CRPPA: variants seen among roughly 807,000 people sequenced by gnomAD.
CRPPA encodes the protein D-ribitol-5-phosphate cytidylyltransferase.
A neutral mutation model predicts 52.0 loss-of-function variants in CRPPA; 43 were observed. The observed-to-expected ratio is 0.83, with a 90% CI of 0.65 to 1.07. CRPPA has a LOEUF of 1.07. CRPPA is among the 50% of genes least tolerant of loss of function. The pLI is 0.00. For synonymous variants in CRPPA, 250 were observed against 203.5 expected, an observed-to-expected ratio of 1.23 and a Z score of -1.94; for missense variants, 629 against 551.7, an observed-to-expected ratio of 1.14 and a Z score of -1.40.
intron 4 of CRPPA, among the ~76,000 whole-genome samples, chr7:16,306,152 T>C (rs984535923): frequency 1.3e-5 from 2 of 152,212 alleles, no homozygotes; most frequent in African/African-American, 4.8e-5. Context: ...GGGCCTACCC[T>C]ATTCCAGCAG....
At chr7:16,240,734 G>A (rs78989287) in intron 8 of CRPPA, among the ~76,000 whole-genome samples, 3,564 of 152,196 alleles carry the variant, frequency 0.023, 121 homozygotes, top group African/African-American at 0.08. Flanking sequence ...CTTGTGCCTT[G>A]AAAACACATT....
intron 9 of CRPPA, among the ~76,000 whole-genome samples, chr7:16,120,802 GTTC>G (rs1562514157): frequency 2.0e-5 from 3 of 152,054 alleles, no homozygotes. Context: ...ATAGACAATT[GTTC>G]TTAATAGATG....
At chr7:16,396,742 A>C (rs1023853892) in intron 2 of CRPPA, among the ~76,000 whole-genome samples, 1 of 152,278 alleles carries the variant, frequency 6.6e-6, no homozygotes, top group Non-Finnish European at 1.5e-5. Flanking sequence ...CATTCGTATG[A>C]CATGACTGAT....
chr7:16,156,396 A>G (rs566463940), intron 9 of CRPPA, among the ~76,000 whole-genome samples: 1 of 152,320 alleles, frequency 6.6e-6, no homozygotes, highest in East Asian at 1.9e-4. Flanking sequence ...CTTTTCTGAT[A>G]GTGTTCATGA....
intron 3 of CRPPA, among the ~76,000 whole-genome samples, chr7:16,366,356 C>CAATAGCAACT (rs1043725273): frequency 1.3e-5 from 2 of 152,136 alleles, no homozygotes; most frequent in African/African-American, 4.8e-5. Context: ...GCTGCATCCT[C>CAATAGCAACT]ACTAGCAATG....
chr7:16,354,125 C>G (rs1227112452), intron 3 of CRPPA, among the ~76,000 whole-genome samples: 1 of 152,040 alleles, frequency 6.6e-6, no homozygotes, highest in Non-Finnish European at 1.5e-5. Flanking sequence ...CTGAAAATAA[C>G]ACTGTCAGGT....
At chr7:16,386,841 G>A (rs1380528349) in intron 2 of CRPPA, among the ~76,000 whole-genome samples, 1 of 151,654 alleles carries the variant, frequency 6.6e-6, no homozygotes, top group Non-Finnish European at 1.5e-5. Context: ...GCCAACAGGG[G>A]AAACCCTGAC....
chr7:16,115,163 G>T (rs1019770714), intron 9 of CRPPA, among the ~76,000 whole-genome samples: 9 of 151,976 alleles, frequency 5.9e-5, no homozygotes, highest in Non-Finnish European at 1.0e-4. Flanking sequence ...TGAAGAGGGT[G>T]GCCCTAACTA....
chr7:16,275,920 C>T (rs1005401596), intron 6 of CRPPA, among the ~76,000 whole-genome samples: 8 of 151,466 alleles, frequency 5.3e-5, no homozygotes, highest in East Asian at 1.9e-4. Context: ...AACCCATGCA[C>T]ATCAGAAAGA....
chr7:16,286,562 A>ACGGATGC (rs1562609061), intron 5 of CRPPA, among the ~76,000 whole-genome samples: 2 of 151,666 alleles, frequency 1.3e-5, no homozygotes, highest in African/African-American at 4.8e-5. Context: ...TTACTCATCA[A>ACGGATGC]TTCCTACCAA....
chr7:16,179,270 T>A (rs1378740931), intron 9 of CRPPA, among the ~76,000 whole-genome samples: 2 of 152,114 alleles, frequency 1.3e-5, no homozygotes, highest in Non-Finnish European at 2.9e-5. Flanking sequence ...GCTGCATTTT[T>A]AAAAAGTAGT....
intron 2 of CRPPA, among the ~76,000 whole-genome samples, chr7:16,377,686 T>G (rs1017030732): frequency 1.2e-4 from 18 of 152,078 alleles, no homozygotes; most frequent in African/African-American, 4.1e-4. Context: ...CCGTGACCCG[T>G]TTCTTCTTCT....
intron 9 of CRPPA, among the ~76,000 whole-genome samples, chr7:16,110,549 G>T (rs1422481997): frequency 6.6e-6 from 1 of 152,006 alleles, no homozygotes; most frequent in African/African-American, 2.4e-5. Flanking sequence ...AATCAAAACA[G>T]CATGGTACTG....
chr7:16,246,519 G>T (rs547967162), intron 8 of CRPPA, among the ~76,000 whole-genome samples: 24 of 152,116 alleles, frequency 1.6e-4, no homozygotes, highest in Non-Finnish European at 2.9e-4. Context: ...ATCCATCAGA[G>T]GAATCTATCT....
At chr7:16,222,211 G>T (rs1027942664) in intron 8 of CRPPA, among the ~76,000 whole-genome samples, 2 of 148,632 alleles carry the variant, frequency 1.3e-5, no homozygotes, top group Non-Finnish European at 3.0e-5. Context: ...AAACCAAACC[G>T]CATATTCTCA....
chr7:16,366,988 A>G (rs574798121), intron 3 of CRPPA, among the ~76,000 whole-genome samples: 1 of 152,288 alleles, frequency 6.6e-6, no homozygotes, highest in Admixed American at 6.5e-5. Context: ...GACTTGTGTA[A>G]GAAACAATGG....
intron 9 of CRPPA, among the ~76,000 whole-genome samples, chr7:16,150,844 G>C (rs1044672278): frequency 6.6e-6 from 1 of 152,210 alleles, no homozygotes; most frequent in Non-Finnish European, 1.5e-5. Context: ...AGGAGGGCAA[G>C]TGACAGAGTG....
intron 9 of CRPPA, among the ~76,000 whole-genome samples, chr7:16,212,915 T>C (rs1323830511): frequency 6.6e-6 from 1 of 152,202 alleles, no homozygotes; most frequent in Non-Finnish European, 1.5e-5. Flanking sequence ...TGAACCTATG[T>C]GCTTCTATTG....
intron 2 of CRPPA, among the ~76,000 whole-genome samples, chr7:16,391,548 T>A (rs1315568914): frequency 6.6e-6 from 1 of 152,188 alleles, no homozygotes; most frequent in African/African-American, 2.4e-5. Flanking sequence ...GCTTTCCATC[T>A]CAAAGAACTA....
Sources: allele counts gnomAD v4.1 joint callset (sites outside exome capture counted in the v4.1 genomes callset), GRCh38; gene constraint gnomAD v4.1.1; transcripts MANE v1.5; gene names NCBI Gene and HGNC (gene_info 2026-07-23, HGNC 2026-07-21).